The following MDGA2 variants were observed in gnomAD, a reference collection of about 807,000 sequenced individuals.
MDGA2 encodes the protein MAM domain containing glycosylphosphatidylinositol anchor 2, also known as MAM domain-containing glycosylphosphatidylinositol anchor protein 2.
A neutral mutation model predicts 117.8 loss-of-function variants in MDGA2; 40 were observed. The observed-to-expected ratio is 0.34, with a 90% CI of 0.26 to 0.44. The LOEUF (loss-of-function observed/expected upper bound fraction) is 0.44. Among genes scored for constraint, MDGA2 ranks in the 20% least tolerant of loss-of-function variants. MDGA2 has a pLI of 1.00. For synonymous variants in MDGA2, 452 were observed against 439.0 expected (o/e 1.03, Z -0.37); for missense variants, 1,123 against 1,250.6 (o/e 0.90, Z 1.54).
intron 7 of MDGA2, among the ~76,000 whole-genome samples, chr14:47,049,422 CTAGAT>C (rs1889376823): frequency 6.6e-6 from 1 of 151,928 alleles, no homozygotes; most frequent in Admixed American, 6.6e-5. Flanking sequence ...TAAAAAATCT[CTAGAT>C]TAGTTATAAT....
intron 1 of MDGA2, among the ~76,000 whole-genome samples, chr14:47,567,079 T>C (rs907398590): frequency 6.6e-6 from 1 of 151,936 alleles, no homozygotes; most frequent in African/African-American, 2.4e-5. Flanking sequence ...TATCTTTTTT[T>C]AATTTTTGTA....
intron 1 of MDGA2, among the ~76,000 whole-genome samples, chr14:47,334,647 T>C (rs1890389318): frequency 1.3e-5 from 2 of 151,980 alleles, no homozygotes; most frequent in South Asian, 4.1e-4. Flanking sequence ...GAAAATTAGA[T>C]TATGTGAGTT....
chr14:47,300,234 T>G (rs1229939988), intron 2 of MDGA2, among the ~76,000 whole-genome samples: 1 of 152,218 alleles, frequency 6.6e-6, no homozygotes, highest in Non-Finnish European at 1.5e-5. Context: ...TCTTTTTTCC[T>G]GTAACACAAA....
At chr14:47,042,319 T>TG (rs1555346004) in intron 7 of MDGA2, among the ~76,000 whole-genome samples, 6 of 100,920 alleles carry the variant, frequency 5.9e-5, no homozygotes, top group Admixed American at 5.0e-4. Flanking sequence ...TATGTTTTTT[T>TG]TTTTTTTTTG....
intron 1 of MDGA2, among the ~76,000 whole-genome samples, chr14:47,582,018 A>T (rs1365092614): frequency 6.6e-6 from 1 of 151,964 alleles, no homozygotes; most frequent in Non-Finnish European, 1.5e-5. Context: ...TGTAAAACTG[A>T]CATAATAATA....
At chr14:47,474,884 A>G (rs1893804542) in intron 1 of MDGA2, among the ~76,000 whole-genome samples, 1 of 152,230 alleles carries the variant, frequency 6.6e-6, no homozygotes, top group Non-Finnish European at 1.5e-5. Context: ...GAAACTCTAG[A>G]AGAAAATCTA....
chr14:47,524,715 A>C (rs1894936592), intron 1 of MDGA2, among the ~76,000 whole-genome samples: 1 of 152,212 alleles, frequency 6.6e-6, no homozygotes, highest in Non-Finnish European at 1.5e-5. Context: ...TAAACTCTCC[A>C]GAATAGGCTT....
At chr14:47,194,020 C>T (rs1885202335) in intron 3 of MDGA2, among the ~76,000 whole-genome samples, 1 of 152,194 alleles carries the variant, frequency 6.6e-6, no homozygotes, top group African/African-American at 2.4e-5. Flanking sequence ...AAAATCACTT[C>T]TGCAGCACTA....
rs566653143 is a variant in MDGA2 at position 47,100,685 on chromosome 14, G to A, written c.926-3562C>T. 7.4e-4 allele frequency among the ~76,000 whole-genome samples: 112 copies of A among 152,190 alleles called. 2 individuals are homozygous for A. Among genetic ancestry groups the A allele is most frequent in the African/African-American group, 2.6e-3 (109 of 41,534 alleles). The stretch of plus-strand genomic sequence containing the variant: ...GAGACAGTATGAAATATTTATTTGA[G>A]ATCTTCATCAAACCAAAATGAAAAA... On this transcript the variant is annotated intron_variant, in intron 5 of 16. Coordinates refer to ENST00000399232, the MANE Select transcript of MDGA2 (RefSeq NM_001113498.3).
intron 5 of MDGA2, among the ~76,000 whole-genome samples, chr14:47,106,262 T>C (rs1880668149): frequency 6.6e-6 from 1 of 152,166 alleles, no homozygotes; most frequent in African/African-American, 2.4e-5. Flanking sequence ...AAATTAAATT[T>C]CGGCCCTCAA....
chr14:47,595,557 CAA>C (rs1162012490), intron 1 of MDGA2, among the ~76,000 whole-genome samples: 9 of 137,982 alleles, frequency 6.5e-5, no homozygotes, highest in East Asian at 6.2e-4. Flanking sequence ...CAAAAAAAAA[CAA>C]AAAAAAAAAA....
chr14:47,104,883 T>G (rs1344620831), intron 5 of MDGA2, among the ~76,000 whole-genome samples: 2 of 151,898 alleles, frequency 1.3e-5, no homozygotes, highest in African/African-American at 2.4e-5. Context: ...TCCCTCAACC[T>G]CTTTCTCCTT....
At chr14:47,574,511 C>A (rs985302193) in intron 1 of MDGA2, among the ~76,000 whole-genome samples, 19 of 152,106 alleles carry the variant, frequency 1.2e-4, no homozygotes, top group African/African-American at 3.4e-4. Flanking sequence ...TTTTTGCTTT[C>A]ATATTCTTAA....
intron 2 of MDGA2, among the ~76,000 whole-genome samples, chr14:47,222,893 C>A (rs1348471379): frequency 6.6e-6 from 1 of 152,124 alleles, no homozygotes; most frequent in Non-Finnish European, 1.5e-5. Context: ...CCATTTCATA[C>A]TAAAATCCAT....
At chr14:47,314,748 T>A (rs1000127548) in intron 1 of MDGA2, among the ~76,000 whole-genome samples, 3 of 152,038 alleles carry the variant, frequency 2.0e-5, no homozygotes, top group African/African-American at 7.2e-5. Context: ...ATTAAAGTGG[T>A]TTTATTTTTT....
Position 47,200,845 on chromosome 14 carries a change from CTT to C in MDGA2, c.595+17174_595+17175del, listed in dbSNP as rs957631131. On this transcript the variant is annotated intron_variant, in intron 3 of 16. Coordinates refer to ENST00000399232, the MANE Select transcript of MDGA2 (RefSeq NM_001113498.3). ...CAGCAGGAGCCACCATCCATTTTTT[CTT>C]GTCATAGGGCGGTGGGATGCCGTCA... The C allele has an allele frequency of 7.2e-6, 6 of 830,760 alleles. No individual in the cohort carries two copies. The African/African-American group carries it at 1.0e-4, about 14-fold the overall frequency. The allele number at this position is 830,760 out of a possible 1,614,324, so 51.5% of individuals were successfully genotyped here.
At chr14:47,336,708 GA>G (rs991060866) in intron 1 of MDGA2, among the ~76,000 whole-genome samples, 1 of 151,888 alleles carries the variant, frequency 6.6e-6, no homozygotes, top group Non-Finnish European at 1.5e-5. Flanking sequence ...CTCCCTCAAA[GA>G]AAAGTAGGCC....
intron 11 of MDGA2, among the ~76,000 whole-genome samples, chr14:46,881,386 A>C (rs1882453253): frequency 6.6e-6 from 1 of 152,312 alleles, no homozygotes; most frequent in African/African-American, 2.4e-5. Context: ...AGAGCATGGG[A>C]ACTTTTCAGG....
chr14:47,569,875 G>A (rs1053092131), intron 1 of MDGA2, among the ~76,000 whole-genome samples: 8 of 152,104 alleles, frequency 5.3e-5, no homozygotes, highest in African/African-American at 1.9e-4. Context: ...TTAAAGAAAG[G>A]TTCATCTTAA....
Sources: allele counts gnomAD v4.1 joint callset (sites outside exome capture counted in the v4.1 genomes callset), GRCh38; gene constraint gnomAD v4.1.1; transcripts MANE v1.5; gene names NCBI Gene and HGNC (gene_info 2026-07-23, HGNC 2026-07-21).